The following ATXN7L1 variants were observed in gnomAD, a reference collection of about 807,000 sequenced individuals.
ATXN7L1 encodes ataxin 7 like 1, also known as ataxin-7-like protein 1.
A neutral mutation model predicts 70.8 loss-of-function variants in ATXN7L1; 15 were observed. That is an observed-to-expected ratio of 0.21 (90% CI 0.14 to 0.33). The LOEUF (loss-of-function observed/expected upper bound fraction) is 0.33. ATXN7L1 is among the 10% of genes least tolerant of loss of function. ATXN7L1 has a pLI of 1.00. For synonymous variants in ATXN7L1, 440 were observed against 445.1 expected (o/e 0.99, Z 0.14); for missense variants, 975 against 1,097.1 (o/e 0.89, Z 1.57).
At position 105,836,919 on chromosome 7, in the gene ATXN7L1, G is replaced by T. The variant is rs188808449; in HGVS notation, c.250+38893C>A. 1.0e-3 allele frequency among the ~76,000 whole-genome samples: 159 copies of T among 152,218 alleles called. 1 individual carries two copies. Among genetic ancestry groups the T allele is most frequent in the African/African-American group, 3.8e-3 (159 of 41,532 alleles). ...CTAAAAATACAAAAATTAGCCGGGT[G>T]TGGTGGTGTGTGCCTGTAATCCCAG... On this transcript the variant is annotated intron_variant, in intron 2 of 11. Coordinates refer to ENST00000419735, the MANE Select transcript of ATXN7L1 (RefSeq NM_020725.2).
At chr7:105,700,640 C>T (rs897315942) in intron 3 of ATXN7L1, among the ~76,000 whole-genome samples, 28 of 151,694 alleles carry the variant, frequency 1.8e-4, no homozygotes, top group African/African-American at 6.5e-4. Context: ...CAGTTTGCAA[C>T]GATGTGATAC....
At chr7:105,779,248 G>C (rs1433319566) in intron 3 of ATXN7L1, among the ~76,000 whole-genome samples, 1 of 152,190 alleles carries the variant, frequency 6.6e-6, no homozygotes, top group Non-Finnish European at 1.5e-5. Flanking sequence ...AACACGACCA[G>C]ATATCACCTT....
chr7:105,811,883 G>A (rs1419872197), intron 2 of ATXN7L1, among the ~76,000 whole-genome samples: 1 of 152,162 alleles, frequency 6.6e-6, no homozygotes, highest in Non-Finnish European at 1.5e-5. Context: ...CCTACCTGCA[G>A]CCACCTCTCC....
intron 2 of ATXN7L1, among the ~76,000 whole-genome samples, chr7:105,859,390 AATAT>A (rs201515974): frequency 1.3e-5 from 2 of 151,804 alleles, no homozygotes; most frequent in Admixed American, 1.3e-4. Context: ...CAGAAATATA[AATAT>A]ATATATATAC....
chr7:105,779,640 T>C (rs942508140), intron 3 of ATXN7L1, among the ~76,000 whole-genome samples: 3 of 152,058 alleles, frequency 2.0e-5, no homozygotes, highest in African/African-American at 7.2e-5. Context: ...GGTGGAAAAA[T>C]GAAATAAGCA....
chr7:105,742,067 C>T (rs954891558), intron 3 of ATXN7L1, among the ~76,000 whole-genome samples: 4 of 152,174 alleles, frequency 2.6e-5, no homozygotes, highest in Admixed American at 6.5e-5. Context: ...TGGTAGCCCT[C>T]GCAAACTAAT....
chr7:105,647,509 C>T (rs567003208), intron 4 of ATXN7L1, among the ~76,000 whole-genome samples: 6 of 152,246 alleles, frequency 3.9e-5, no homozygotes, highest in African/African-American at 7.2e-5. Flanking sequence ...TAGCCGGGCG[C>T]GGTGGCACAT....
chr7:105,777,061 G>C (rs1306900465), intron 3 of ATXN7L1, among the ~76,000 whole-genome samples: 2 of 152,200 alleles, frequency 1.3e-5, no homozygotes, highest in African/African-American at 4.8e-5. Context: ...CTAGAAGCCA[G>C]GAAAAGTGCT....
At chr7:105,625,739 A>G (rs530479595) in intron 7 of ATXN7L1, among the ~76,000 whole-genome samples, 3 of 152,362 alleles carry the variant, frequency 2.0e-5, no homozygotes, top group Admixed American at 2.0e-4. Context: ...AGGTAGAACT[A>G]CCTGCTTCCT....
At chr7:105,628,967 C>A (rs1796175607) in intron 7 of ATXN7L1, among the ~76,000 whole-genome samples, 1 of 148,422 alleles carries the variant, frequency 6.7e-6, no homozygotes, top group African/African-American at 2.5e-5. Flanking sequence ...GGTGAGAACA[C>A]TTTTTATTTT....
In ATXN7L1 at chr7:105,870,326, T is replaced by TA. The variant is rs558315382; in HGVS notation, c.250+5485dup. On this transcript the variant is annotated intron_variant, in intron 2 of 11. Transcript: ENST00000419735. ...TTGATATCCATAGAAATTGTTTCTT[T>TA]AAAAAATCATTAGTGTCATAAAATT... Among the ~76,000 whole-genome samples the TA allele has an allele frequency of 3.1e-3, 469 of 152,038 alleles. 1 individual carries two copies. The highest frequency in any genetic ancestry group is 6.8e-3 in the Middle Eastern group (2 of 294).
intron 4 of ATXN7L1, among the ~76,000 whole-genome samples, chr7:105,645,101 T>C (rs1798790316): frequency 6.6e-6 from 1 of 151,696 alleles, no homozygotes; most frequent in African/African-American, 2.4e-5. Context: ...GAAGGGAGAA[T>C]GGGCAGTTTT....
chr7:105,848,375 C>A (rs1275002365), intron 2 of ATXN7L1, among the ~76,000 whole-genome samples: 1 of 152,152 alleles, frequency 6.6e-6, no homozygotes, highest in Non-Finnish European at 1.5e-5. Flanking sequence ...CTCAGCATTC[C>A]ACTTCTAAGA....
intron 3 of ATXN7L1, among the ~76,000 whole-genome samples, chr7:105,689,734 G>C (rs1301549318): frequency 6.6e-6 from 1 of 152,200 alleles, no homozygotes; most frequent in South Asian, 2.1e-4. Context: ...CCTTAGCATC[G>C]TGTCATAGCC....
chr7:105,729,548 G>C (rs1422530867), intron 3 of ATXN7L1, among the ~76,000 whole-genome samples: 1 of 150,724 alleles, frequency 6.6e-6, no homozygotes, highest in African/African-American at 2.4e-5. Context: ...TCCTGCCCTA[G>C]CCTCCCACGT....
chr7:105,641,214 CTTTTTTTTTTTTTTTTT>C (rs561100060), intron 5 of ATXN7L1, among the ~76,000 whole-genome samples: 4 of 21,786 alleles, frequency 1.8e-4, no homozygotes, highest in South Asian at 5.4e-3. Context: ...CTCTCTCTCT[CTTTTTTTTTTTTTTTTT>C]TTTTTTTTTT....
At chr7:105,819,748 A>T in intron 2 of ATXN7L1, 2 of 743,186 alleles carry the variant, frequency 2.7e-6, no homozygotes, top group Non-Finnish European at 4.9e-6. Context: ...ACCTCGAGGC[A>T]TGTTGCCCCA....
At chr7:105,712,105 G>A (rs1024139458) in intron 3 of ATXN7L1, among the ~76,000 whole-genome samples, 21 of 152,258 alleles carry the variant, frequency 1.4e-4, no homozygotes, top group African/African-American at 4.8e-4. Context: ...TGCCTGAGGT[G>A]TACCTTGGCC....
chr7:105,850,358 C>T (rs1814694532), intron 2 of ATXN7L1, among the ~76,000 whole-genome samples: 1 of 152,198 alleles, frequency 6.6e-6, no homozygotes, highest in Non-Finnish European at 1.5e-5. Flanking sequence ...TGAGGAAGCT[C>T]ATCCTGAAGG....
Sources: allele counts gnomAD v4.1 joint callset (sites outside exome capture counted in the v4.1 genomes callset), GRCh38; gene constraint gnomAD v4.1.1; transcripts MANE v1.5; gene names NCBI Gene and HGNC (gene_info 2026-07-23, HGNC 2026-07-21).